Variants in PRR27 observed in about 807,000 individuals in gnomAD.
PRR27 encodes the protein proline-rich protein 27.
PRR27 carries 12 observed loss-of-function variants against 16.8 expected under a neutral mutation model. The observed-to-expected ratio is 0.71, with a 90% CI of 0.46 to 1.16. PRR27 has a LOEUF of 1.16. Ranked by LOEUF, PRR27 falls within the 50% of genes most tolerant of loss-of-function variation. PRR27 has a pLI of 0.00. For synonymous variants in PRR27, 100 were observed against 98.4 expected (o/e 1.02, Z -0.10); for missense variants, 277 against 273.3 (o/e 1.01, Z -0.10).
chr4:70,160,901 C>T (rs1452496755), intron 3 of PRR27, among the ~76,000 whole-genome samples: 1 of 151,804 alleles, frequency 6.6e-6, no homozygotes, highest in Non-Finnish European at 1.5e-5. Flanking sequence ...AGTTTAAATC[C>T]ACCAATGAAT....
chr4:70,159,900 C>A (rs537763824), intron 3 of PRR27, among the ~76,000 whole-genome samples: 8 of 152,088 alleles, frequency 5.3e-5, no homozygotes, highest in Non-Finnish European at 8.8e-5. Flanking sequence ...CTTTTTCCTG[C>A]CCTAGTACCA....
intron 2 of PRR27, among the ~76,000 whole-genome samples, chr4:70,157,190 G>C (rs912161850): frequency 5.3e-5 from 8 of 151,884 alleles, no homozygotes; most frequent in Non-Finnish European, 1.2e-4. Context: ...ACCTAAAATT[G>C]GAAAAAAATT....
chr4:70,165,536 A>G lies in PRR27; in HGVS notation c.*2875A>G, dbSNP rs1728744246. 2 of 152,150 alleles carry G rather than the reference A, an allele frequency of 1.3e-5. No individual in the cohort carries two copies. Among genetic ancestry groups the G allele is most frequent in the East Asian group, 3.9e-4 (2 of 5,172 alleles). The allele number at this position is 152,150 out of a possible 1,614,324, so 9.4% of individuals were successfully genotyped here. A position where few individuals can be genotyped will look rare whatever the true frequency, so the allele number is the denominator to read the frequency against. On this transcript the variant is annotated 3_prime_UTR_variant, in exon 5 of 5. Coordinates refer to ENST00000344526, the MANE Select transcript of PRR27 (RefSeq NM_214711.4). ...TTCTACTTTTAAAAATGATTTTTCC[A>G]CCTCTAATGTATTCTATAAAATAAT...
At chr4:70,162,368 C>A (rs1462245252) in intron 4 of PRR27, among the ~76,000 whole-genome samples, 3 of 152,138 alleles carry the variant, frequency 2.0e-5, no homozygotes, top group Non-Finnish European at 4.4e-5. Context: ...TTTACAGCAG[C>A]CATTGCCAAA....
intron 2 of PRR27, among the ~76,000 whole-genome samples, chr4:70,156,353 T>G (rs1295139743): frequency 6.6e-6 from 1 of 152,192 alleles, no homozygotes; most frequent in Admixed American, 6.5e-5. Context: ...ATGCCAAGGT[T>G]TTCCCCTCAT....
rs1026443768 is a variant in PRR27, at chr4:70,166,016, G to A, written c.*3355G>A. On this transcript the variant is annotated 3_prime_UTR_variant, in exon 5 of 5. Transcript: ENST00000344526. ...CTAAAATTTTAGTATGCATTTATGTGGCACTTAATATATAAAAGAGTTTTA... is the reference window on the plus strand; with the variant it reads ...CTAAAATTTTAGTATGCATTTATGTAGCACTTAATATATAAAAGAGTTTTA... The A allele has an allele frequency of 1.3e-5, 2 of 151,848 alleles. No homozygotes were observed. The highest frequency in any genetic ancestry group is 4.8e-5 in the African/African-American group (2 of 41,336). The allele number at this position is 151,848 out of a possible 1,614,324, so 9.4% of individuals were successfully genotyped here.
At chr4:70,159,999 C>T (rs1728601899) in intron 3 of PRR27, among the ~76,000 whole-genome samples, 1 of 151,102 alleles carries the variant, frequency 6.6e-6, no homozygotes, top group African/African-American at 2.4e-5. Flanking sequence ...TTAATCAATA[C>T]TCATTGAAAT....
In PRR27 at chr4:70,158,387, G is replaced by A; in HGVS notation, c.135G>A (p.Arg45=). ...CTCTGAATATTCCTTATGGCATACGGAATTTACCACCTCCTCTTTATTATC... is the reference window on the plus strand; with the variant it reads ...CTCTGAATATTCCTTATGGCATACGAAATTTACCACCTCCTCTTTATTATC... ...HPSLNIPYGI[R]NLPPPLYYRP... is the part of the protein sequence containing the mutation. The change falls in exon 3 of 5, where the codon CGG becomes CGA. Residue 45 remains arginine (R), a synonymous_variant. Coordinates refer to ENST00000344526, the MANE Select transcript of PRR27 (RefSeq NM_214711.4). The A allele has an allele frequency of 6.2e-7, 1 of 1,613,642 alleles. No individual in the cohort carries two copies. Among genetic ancestry groups the A allele is most frequent in the Non-Finnish European group, 8.5e-7 (1 of 1,179,684 alleles).
chr4:70,154,341 A>C lies in PRR27; in HGVS notation c.-35A>C, dbSNP rs1001480071. 1 of 1,512,802 alleles carries C rather than the reference A, an allele frequency of 6.6e-7. No homozygotes were observed. Among genetic ancestry groups the C allele is most frequent in the African/African-American group, 1.4e-5 (1 of 72,592 alleles). The allele number at this position is 1,512,802 out of a possible 1,614,324, so 93.7% of individuals were successfully genotyped here. On this transcript the variant is annotated 5_prime_UTR_variant, in exon 1 of 5. Transcript: ENST00000344526. ...ACATTGCGTATTTTCTAAAACAATA[A>C]ATTTATAGTGTTAATATTCATAGGG...
chr4:70,158,481 T>C lies in PRR27; in HGVS notation c.229T>C (p.Trp77Arg), dbSNP rs1294209540. The part of the protein sequence containing the change: ...YTDTGLPSYP[W>R]ILTSPGFPYV... ...TGACACAGGGTTACCTTCGTATCCC[T>C]GGATTCTAACTTCTCCTGGATTCCC... Residue 77 changes from tryptophan to arginine, a missense_variant, in exon 3 of 5, where the codon TGG becomes CGG. Trp to Arg is a moderately radical substitution (Grantham distance 101). Coordinates refer to ENST00000344526, the MANE Select transcript of PRR27 (RefSeq NM_214711.4). 1.5e-5 allele frequency: 24 copies of C among 1,614,064 alleles called. No individual in the cohort carries two copies. Among genetic ancestry groups the C allele is most frequent in the Non-Finnish European group, 2.0e-5 (24 of 1,180,026 alleles).
At chr4:70,157,789 C>A (rs756427498) in intron 2 of PRR27, among the ~76,000 whole-genome samples, 22 of 152,032 alleles carry the variant, frequency 1.4e-4, no homozygotes, top group Non-Finnish European at 3.2e-4. Context: ...AATCTGCTCA[C>A]CCTCTTAATG....
rs934378281 is a variant in PRR27, at chr4:70,162,684, TCTTCTTTCA to T, written c.*34-10_*34-2del. On this transcript the variant is annotated splice_acceptor_variant and splice_polypyrimidine_tract_variant and intron_variant, in intron 4 of 4. Coordinates refer to ENST00000344526, the MANE Select transcript of PRR27 (RefSeq NM_214711.4). LOFTEE classifies it low-confidence loss of function (3UTR_SPLICE). ...TTATTATACTGAACCAATGTTATTT[TCTTCTTTCA>T]GATACTGATGCAGAAATAAGTGAAA... 2 of 152,226 alleles carry T rather than the reference TCTTCTTTCA, an allele frequency of 1.3e-5. No homozygotes were observed. The highest frequency in any genetic ancestry group is 1.5e-5 in the Non-Finnish European group (1 of 68,032). 9.4% of individuals were successfully genotyped at this position (152,226 alleles called of 1,614,324 possible).
rs201012961 is a variant in PRR27, at chr4:70,158,749, C to T, written c.497C>T (p.Ala166Val). ...AEPAAEAPVGAEPAAEAPVAA... is the reference protein window; with the variant it reads ...AEPAAEAPVGVEPAAEAPVAA... ...CCTGCTGCAGAGGCACCTGTTGGAG[C>T]TGAGCCTGCTGCAGAGGCACCTGTT... The change falls in exon 3 of 5, where the codon GCT becomes GTT. Residue 166 changes from alanine to valine, a missense_variant. Transcript: ENST00000344526. 3.2e-6 allele frequency: 5 copies of T among 1,546,216 alleles called. 1 individual carries two copies. Among genetic ancestry groups the T allele is most frequent in the Non-Finnish European group, 4.4e-6 (5 of 1,124,596 alleles).
chr4:70,156,096 TAC>T lies in PRR27; in HGVS notation c.75+22_75+23del. 1 of 1,332,644 alleles carries T rather than the reference TAC, an allele frequency of 7.5e-7. No individual in the cohort carries two copies. The highest frequency in any genetic ancestry group is 1.0e-6 in the Non-Finnish European group (1 of 986,232). 82.6% of individuals were successfully genotyped at this position (1,332,644 alleles called of 1,614,324 possible). A position where few individuals can be genotyped will look rare whatever the true frequency, so the allele number is the denominator to read the frequency against. ...TGGTGAGGTAAAACTTTTTTTTCTT[TAC>T]ACGCAAGTATATTTGTTTTTATCTT... On this transcript the variant is annotated intron_variant, in intron 2 of 4. Coordinates refer to ENST00000344526, the MANE Select transcript of PRR27 (RefSeq NM_214711.4).
chr4:70,159,369 T>C (rs1001723689), intron 3 of PRR27, among the ~76,000 whole-genome samples: 3 of 152,240 alleles, frequency 2.0e-5, no homozygotes, highest in Non-Finnish European at 4.4e-5. Flanking sequence ...AGATACGCCG[T>C]AATTCATTTA....
At position 70,166,425 on chromosome 4, in the gene PRR27, TAAGAG is replaced by T. The variant is rs1728768199; in HGVS notation, c.*3767_*3771del. 6.6e-6 allele frequency: 1 copy of T among 152,058 alleles called. No individual in the cohort carries two copies. Among genetic ancestry groups the T allele is most frequent in the African/African-American group, 2.4e-5 (1 of 41,446 alleles). 9.4% of individuals were successfully genotyped at this position (152,058 alleles called of 1,614,324 possible). ...AACCCAAAACTGAAATAAAAAATTA[TAAGAG>T]AAAATACTATTTTCCACCAATATCA... is the stretch of plus-strand genomic sequence containing the variant. On this transcript the variant is annotated 3_prime_UTR_variant, in exon 5 of 5. Coordinates refer to ENST00000344526, the MANE Select transcript of PRR27 (RefSeq NM_214711.4).
chr4:70,154,541 C>T, intron 1 of PRR27, 115 bp downstream of exon 1: 1 of 907,096 alleles, frequency 1.1e-6, no homozygotes, highest in Non-Finnish European at 1.8e-6. Context: ...AGCAGAGAGA[C>T]ATAGATGGAC....
intron 3 of PRR27, among the ~76,000 whole-genome samples, chr4:70,161,318 C>T (rs1223095924): frequency 6.7e-6 from 1 of 149,876 alleles, no homozygotes; most frequent in African/African-American, 2.5e-5. Flanking sequence ...AAGAAGGGAC[C>T]TTGAAAACAC....
intron 2 of PRR27, among the ~76,000 whole-genome samples, chr4:70,158,034 C>T (rs996315644): frequency 3.3e-5 from 5 of 152,100 alleles, no homozygotes; most frequent in Admixed American, 2.0e-4. Context: ...CCTAAAAGTG[C>T]GAGTGCTTTC....
Sources: gnomAD v4.1 joint callset for allele counts (sites outside exome capture counted in the v4.1 genomes callset) on GRCh38, gnomAD v4.1.1 for gene constraint, MANE v1.5 for transcripts, NCBI Gene and HGNC (gene_info 2026-07-23, HGNC 2026-07-21) for gene names.